Variants in KMT2C observed in about 807,000 individuals in gnomAD.
The protein encoded by KMT2C is histone-lysine N-methyltransferase 2C.
In KMT2C, 88 loss-of-function variants were observed where a neutral mutation model predicts 507.9. The observed-to-expected ratio is 0.17, with a 90% CI of 0.15 to 0.21. KMT2C has a LOEUF of 0.21. Ranked by LOEUF, KMT2C falls within the 10% of genes least tolerant of loss-of-function variation. The pLI, the probability that KMT2C is intolerant of heterozygous loss-of-function variation, is 1.00. For synonymous variants in KMT2C, 2,049 were observed against 2,080.8 expected (o/e 0.98, Z 0.42); for missense variants, 4,954 against 5,957.8 (o/e 0.83, Z 5.55).
At chr7:152,231,805 T>TTTGG (rs1277703111) in intron 16 of KMT2C, among the ~76,000 whole-genome samples, 2 of 144,018 alleles carry the variant, frequency 1.4e-5, no homozygotes, top group Non-Finnish European at 3.1e-5. Context: ...AGGAAGGAAG[T>TTTGG]TTGGTTGGTT....
chr7:152,279,756 C>T (rs1285871831), intron 6 of KMT2C, among the ~76,000 whole-genome samples: 6 of 152,132 alleles, frequency 3.9e-5, no homozygotes, highest in African/African-American at 1.4e-4. Context: ...TGGGATTTTT[C>T]TCCTGCCAGT....
At position 152,180,840 on chromosome 7, in the gene KMT2C, A is replaced by G. The variant is rs2093411474; in HGVS notation, c.7020T>C (p.Ser2340=). 8 of 1,614,124 alleles carry G rather than the reference A, an allele frequency of 5.0e-6. No individual in the cohort carries two copies. The highest frequency in any genetic ancestry group is 5.9e-6 in the Non-Finnish European group (7 of 1,180,010). ...SEGSFCASSN[S]PMHSQGQQFS... ...ACTGCTGGCCTTGGGAGTGCATTGGAGAGTTTGAAGATGCACAGAAGCTCC... is the reference window on the plus strand; with the variant it reads ...ACTGCTGGCCTTGGGAGTGCATTGGGGAGTTTGAAGATGCACAGAAGCTCC... Residue 2340 remains serine (S), a synonymous_variant, in exon 36 of 59, where the codon TCT becomes TCC. Transcript: ENST00000262189.
chr7:152,176,463 T>G lies in KMT2C; in HGVS notation c.8990A>C (p.Gln2997Pro). ...VQVNPGLIPG[Q>P]STVNHSLGTG... Reference sequence around the variant, plus strand: ...CCCCAGACTGTGGTTAACTGTTGATTGACCTGGAATGAGCCCTGGGTTTAC... The same window carrying G: ...CCCCAGACTGTGGTTAACTGTTGATGGACCTGGAATGAGCCCTGGGTTTAC... Residue 2997 changes from glutamine to proline, a missense_variant, in exon 38 of 59, where the codon CAA (glutamine) becomes CCA (proline). Transcript: ENST00000262189. 1 of 1,614,164 alleles carries G rather than the reference T, an allele frequency of 6.2e-7. No individual in the cohort carries two copies.
At chr7:152,420,809 T>C (rs1371230056) in intron 1 of KMT2C, among the ~76,000 whole-genome samples, 5 of 151,182 alleles carry the variant, frequency 3.3e-5, no homozygotes, top group Admixed American at 6.6e-5. Context: ...CACTCCAGAC[T>C]GTAACAGAAA....
intron 31 of KMT2C, among the ~76,000 whole-genome samples, chr7:152,189,599 A>G (rs6464213): frequency 0.99 from 151,256 of 152,292 alleles, 75,122 homozygotes; most frequent in East Asian, 1. Flanking sequence ...CAACACTAAA[A>G]CCTACATAGC....
intron 55 of KMT2C, 112 bp from the exon 56 acceptor site, chr7:152,139,903 C>T (rs1350254756): frequency 1.4e-6 from 1 of 723,520 alleles, no homozygotes; most frequent in African/African-American, 1.8e-5. Context: ...TTAAGTTTCA[C>T]TTGAACTCAA....
chr7:152,259,269 C>A (rs1563623305), intron 9 of KMT2C, among the ~76,000 whole-genome samples: 2 of 152,000 alleles, frequency 1.3e-5, no homozygotes, highest in Non-Finnish European at 2.9e-5. Context: ...ATTAGATAAA[C>A]ATACTACATT....
At chr7:152,235,755 A>G (rs1380137873) in intron 16 of KMT2C, 62 bp downstream of exon 16, 35 of 1,121,566 alleles carry the variant, frequency 3.1e-5, no homozygotes, top group Non-Finnish European at 4.5e-5. Context: ...ATAACTTGCT[A>G]TGAGATTTTC....
intron 39 of KMT2C, among the ~76,000 whole-genome samples, chr7:152,173,440 A>C (rs1419199613): frequency 6.6e-6 from 1 of 152,170 alleles, no homozygotes; most frequent in Admixed American, 6.5e-5. Flanking sequence ...AGATATTCTT[A>C]TTTAGTAGGT....
chr7:152,310,628 C>A lies in KMT2C; in HGVS notation c.740-553G>T, dbSNP rs371554015. 2.0e-5 allele frequency among the ~76,000 whole-genome samples: 3 copies of A among 152,094 alleles called. No individual in the cohort carries two copies. The East Asian group carries it at 5.8e-4, about 29-fold the overall frequency. On this transcript the variant is annotated intron_variant, in intron 5 of 58. Transcript: ENST00000262189. Reference sequence around the variant, plus strand: ...AGTGAGATCTACTGAATCAAAAACTCGTGCAGTGGGGCCCAGCAATCTGTG... The same window carrying A: ...AGTGAGATCTACTGAATCAAAAACTAGTGCAGTGGGGCCCAGCAATCTGTG...
At position 152,163,321 on chromosome 7, in the gene KMT2C, A is replaced by C. The variant is rs764400299; in HGVS notation, c.10256T>G (p.Val3419Gly). The change falls in exon 43 of 59, where the codon GTA (valine) becomes GGA (glycine). Residue 3419 changes from valine (V) to glycine (G), a missense_variant. Around this residue, in one of 29 missense-constraint regions of KMT2C, gnomAD observed 801 missense variants for 751.2 expected, o/e 1.07. Transcript: ENST00000262189. ...ERQRIQLMQE[V>G]DRQRALQQRM... ...CTGCTGCAAAGCTCTTTGTCTATCT[A>C]CCTCCTGCATGAGTTGGATCCGTTG... 4 of 1,613,586 alleles carry C rather than the reference A, an allele frequency of 2.5e-6. No homozygotes were observed. The Admixed American group carries it at 5.0e-5, about 20-fold the overall frequency.
rs2093440457 is a variant in KMT2C at position 152,181,715 on chromosome 7, G to A, written c.6145C>T (p.Pro2049Ser). 1.2e-6 allele frequency: 2 copies of A among 1,614,148 alleles called. No individual in the cohort carries two copies. Among genetic ancestry groups the A allele is most frequent in the Non-Finnish European group, 1.7e-6 (2 of 1,180,038 alleles). The change falls in exon 36 of 59, where the codon CCT becomes TCT. Residue 2049 changes from proline to serine, a missense_variant. Transcript: ENST00000262189. ...GPGPFKTPMQ[P>S]PPSSQDPYGS... ...TAAGGATCCTGAGAGGATGGAGGAGGTTGCATTGGAGTCTTAAAAGGTCCA... is the reference window on the plus strand; with the variant it reads ...TAAGGATCCTGAGAGGATGGAGGAGATTGCATTGGAGTCTTAAAAGGTCCA...
At chr7:152,417,019 A>G (rs188082329) in intron 1 of KMT2C, among the ~76,000 whole-genome samples, 262 of 145,164 alleles carry the variant, frequency 1.8e-3, no homozygotes, top group Admixed American at 6.3e-3. Flanking sequence ...ACTGCACTCT[A>G]GCCTGGGTGA....
intron 6 of KMT2C, among the ~76,000 whole-genome samples, chr7:152,307,385 G>T (rs894537485): frequency 6.6e-6 from 1 of 150,678 alleles, no homozygotes; most frequent in Non-Finnish European, 1.5e-5. Context: ...AGGGAAGGAG[G>T]GAGGAAGGGA....
chr7:152,226,444 A>G (rs375945995), intron 18 of KMT2C, among the ~76,000 whole-genome samples: 1 of 151,932 alleles, frequency 6.6e-6, no homozygotes, highest in Non-Finnish European at 1.5e-5. Context: ...TGTTGGCCAG[A>G]CTGGCTTGAA....
intron 9 of KMT2C, among the ~76,000 whole-genome samples, chr7:152,257,309 CTTCTTA>C (rs1324152414): frequency 6.6e-6 from 1 of 152,084 alleles, no homozygotes; most frequent in African/African-American, 2.4e-5. Context: ...AGCAATATAT[CTTCTTA>C]TTCTTAGACG....
chr7:152,435,054 T>C (rs772353894), intron 1 of KMT2C, among the ~76,000 whole-genome samples: 1 of 151,876 alleles, frequency 6.6e-6, no homozygotes, highest in Non-Finnish European at 1.5e-5. Context: ...CTTCCTAATA[T>C]ATCATCAAAA....
chr7:152,393,641 C>T (rs1283104807), intron 1 of KMT2C, among the ~76,000 whole-genome samples: 1 of 152,104 alleles, frequency 6.6e-6, no homozygotes, highest in African/African-American at 2.4e-5. Flanking sequence ...TGGCCGAGCG[C>T]GGTGGCTCAT....
intron 46 of KMT2C, among the ~76,000 whole-genome samples, chr7:152,155,671 C>T (rs1427192045): frequency 6.6e-6 from 1 of 152,052 alleles, no homozygotes; most frequent in Non-Finnish European, 1.5e-5. Flanking sequence ...TAATCTAATA[C>T]TTAACTGTCT....
Sources: gnomAD v4.1 joint callset for allele counts (sites outside exome capture counted in the v4.1 genomes callset) on GRCh38, gnomAD v4.1.1 for gene constraint, gnomAD v4.1.1 regional missense constraint, MANE v1.5 for transcripts, NCBI Gene and HGNC (gene_info 2026-07-23, HGNC 2026-07-21) for gene names.